Variants in STRN4 observed in about 807,000 individuals in gnomAD.
STRN4 encodes striatin-4.
Under a neutral mutation model 77.9 loss-of-function variants are expected in STRN4, and 27 were observed. The observed-to-expected ratio is 0.35, with a 90% CI of 0.26 to 0.48. STRN4 has a LOEUF of 0.48. STRN4 is among the 20% of genes least tolerant of loss of function. The pLI is 0.99. For synonymous variants in STRN4, 466 were observed against 443.1 expected, an observed-to-expected ratio of 1.05 and a Z score of -0.65; for missense variants, 798 against 1,049.7, an observed-to-expected ratio of 0.76 and a Z score of 3.31.
At chr19:46,728,363 C>A (rs1381948633) in intron 7 of STRN4, 1 of 596,530 alleles carries the variant, frequency 1.7e-6, no homozygotes, top group Non-Finnish European at 3.0e-6. Flanking sequence ...GCTGGACGCC[C>A]GCCCTGGAGG....
At position 46,736,636 on chromosome 19, in the gene STRN4, G is replaced by A. The variant is rs144084872; in HGVS notation, c.539+187C>T. Among the ~76,000 whole-genome samples the A allele has an allele frequency of 1.4e-3, 218 of 151,276 alleles. 2 individuals are homozygous for A. Among genetic ancestry groups the A allele is most frequent in the African/African-American group, 4.9e-3 (201 of 41,196 alleles). On this transcript the variant is annotated intron_variant, in intron 4 of 17. Coordinates refer to ENST00000263280, the MANE Select transcript of STRN4 (RefSeq NM_013403.3). ...TGTCCCCACGTCTGCCTCCTGCAGCGGGTTTCCCTCCCTCTCCCCAGGCCA... is the reference window on the plus strand; with the variant it reads ...TGTCCCCACGTCTGCCTCCTGCAGCAGGTTTCCCTCCCTCTCCCCAGGCCA...
chr19:46,737,751 G>C (rs1440375681), intron 3 of STRN4, among the ~76,000 whole-genome samples: 2 of 152,144 alleles, frequency 1.3e-5, no homozygotes, highest in Non-Finnish European at 2.9e-5. Context: ...CCTGATCTGT[G>C]ATACAAAGCC....
At position 46,733,607 on chromosome 19, in the gene STRN4, C is replaced by T. The variant is rs566347988; in HGVS notation, c.540-371G>A. On this transcript the variant is annotated intron_variant, in intron 4 of 17. Coordinates refer to ENST00000263280, the MANE Select transcript of STRN4 (RefSeq NM_013403.3). The surrounding 1 kb of genome is among the most constrained non-coding windows in gnomAD (Gnocchi z 4.3). ...GCCACGGTAAACAGCAGAACGAAAA[C>T]GCTAAGTTCTATGATCCACATGATG... is the stretch of plus-strand genomic sequence containing the variant. Among the ~76,000 whole-genome samples, 5 of 152,164 alleles carry T rather than the reference C, an allele frequency of 3.3e-5. No homozygotes were observed. In the South Asian group the frequency reaches 8.3e-4, roughly 25 times the overall value.
chr19:46,721,895 C>CG lies in STRN4; in HGVS notation c.2092+90dup. The CG allele has an allele frequency of 2.0e-6, 3 of 1,483,110 alleles. No individual in the cohort carries two copies. In the South Asian group the frequency reaches 3.5e-5, roughly 17 times the overall value. 91.9% of individuals were successfully genotyped at this position (1,483,110 alleles called of 1,614,324 possible). On this transcript the variant is annotated intron_variant, in intron 16 of 17. Transcript: ENST00000263280. ...ACCAGCCTCCCCCAGCCCTGGCCCC[C>CG]GGGGCCCCCTGAGCACTTGCCTGGA...
chr19:46,742,475 T>C (rs2054491628), intron 1 of STRN4, among the ~76,000 whole-genome samples: 1 of 152,178 alleles, frequency 6.6e-6, no homozygotes, highest in African/African-American at 2.4e-5. Flanking sequence ...TAGCACTAAG[T>C]GTTCAAGTAA....
rs575596037 is a variant in STRN4 at position 46,733,664 on chromosome 19, T to C, written c.540-428A>G. On this transcript the variant is annotated intron_variant, in intron 4 of 17. Coordinates refer to ENST00000263280, the MANE Select transcript of STRN4 (RefSeq NM_013403.3). This position sits in a 1 kb window ranked among gnomAD's most constrained non-coding sequence, Gnocchi z 4.3. ...TTTGTAGAAAAAAACAAAAAGGCGT[T>C]AATGTGCATAAAGCTTACACCACAC... is the stretch of plus-strand genomic sequence containing the variant. 6.6e-6 allele frequency among the ~76,000 whole-genome samples: 1 copy of C among 152,314 alleles called. No homozygotes were observed. Among genetic ancestry groups the C allele is most frequent in the Non-Finnish European group, 1.5e-5 (1 of 68,032 alleles).
At position 46,723,943 on chromosome 19, in the gene STRN4, C is replaced by T. The variant is rs1315794507; in HGVS notation, c.1595-659G>A. Among the ~76,000 whole-genome samples, 2 of 152,112 alleles carry T rather than the reference C, an allele frequency of 1.3e-5. No individual in the cohort carries two copies. Among genetic ancestry groups the T allele is most frequent in the African/African-American group, 4.8e-5 (2 of 41,412 alleles). ...GCCCAGACAAGGTGGAGCACAGGGCCAGGTGCATGATCAAGGAGGCAGAGC... is the reference window on the plus strand; with the variant it reads ...GCCCAGACAAGGTGGAGCACAGGGCTAGGTGCATGATCAAGGAGGCAGAGC... On this transcript the variant is annotated intron_variant, in intron 12 of 17. Transcript: ENST00000263280. This position sits in a 1 kb window ranked among gnomAD's most constrained non-coding sequence, Gnocchi z 5.5.
intron 1 of STRN4, 90 bp downstream of exon 1, chr19:46,746,059 T>G (rs2054590626): frequency 7.3e-4 from 678 of 926,906 alleles, no homozygotes; most frequent in East Asian, 2.4e-3. Flanking sequence ...CCGGCGGCCA[T>G]TGCTCCAAGA....
chr19:46,721,716 G>C lies in STRN4; in HGVS notation c.2092+270C>G, dbSNP rs555185245. 3.2e-5 allele frequency: 14 copies of C among 436,384 alleles called. No homozygotes were observed. In the South Asian group the frequency reaches 3.3e-4, roughly 10 times the overall value. The allele number at this position is 436,384 out of a possible 1,614,324, so 27.0% of individuals were successfully genotyped here. A position where few individuals can be genotyped will look rare whatever the true frequency, so the allele number is the denominator to read the frequency against. On this transcript the variant is annotated intron_variant, in intron 16 of 17. Coordinates refer to ENST00000263280, the MANE Select transcript of STRN4 (RefSeq NM_013403.3). The stretch of plus-strand genomic sequence containing the variant: ...TCAATGGCCAAGTTACAAAGCGTCT[G>C]GGCATCAGGGCCCACATCTGTAAAC...
At chr19:46,721,911 C>T (rs2053986740) in intron 16 of STRN4, 75 bp downstream of exon 16, 1 of 1,569,462 alleles carries the variant, frequency 6.4e-7, no homozygotes, top group South Asian at 1.1e-5. Context: ...CCCCTGAGCA[C>T]TTGCCTGGAG....
chr19:46,731,330 A>AGCCAGCCTCGCGCAAGCAGGGGC (rs1312601087), intron 5 of STRN4: 1 of 169,778 alleles, frequency 5.9e-6, no homozygotes, highest in East Asian at 1.6e-4. Context: ...GCCGAAAGCC[A>AGCCAGCCTCGCGCAAGCAGGGGC]GCCAGCCTCG....
At position 46,722,294 on chromosome 19, in the gene STRN4, G is replaced by T; in HGVS notation, c.1953C>A (p.Leu651=). 6.2e-7 allele frequency: 1 copy of T among 1,614,198 alleles called. No homozygotes were observed. The highest frequency in any genetic ancestry group is 8.5e-7 in the Non-Finnish European group (1 of 1,180,032). Residue 651 remains leucine (L), a synonymous_variant, in exon 15 of 18, where the codon CTC becomes CTA. Coordinates refer to ENST00000263280, the MANE Select transcript of STRN4 (RefSeq NM_013403.3). ...NQVVSHPNQP[L]TITAHDDRGI... Reference sequence around the variant, plus strand: ...CCCTGTCGTCGTGGGCGGTGATGGTGAGAGGCTGGTTTGGATGACTCACCA... The same window carrying T: ...CCCTGTCGTCGTGGGCGGTGATGGTTAGAGGCTGGTTTGGATGACTCACCA...
chr19:46,730,814 G>A lies in STRN4; in HGVS notation c.797C>T (p.Pro266Leu), dbSNP rs1252061351. The A allele has an allele frequency of 6.2e-7, 1 of 1,612,820 alleles. No homozygotes were observed. Among genetic ancestry groups the A allele is most frequent in the Non-Finnish European group, 8.5e-7 (1 of 1,180,018 alleles). Reference protein sequence around the residue: ...RLGGSVLGQIPFLQNCEDEDS... With the variant: ...RLGGSVLGQILFLQNCEDEDS... ...TTCGTCCTCGCAGTTCTGCAGGAAG[G>A]GGATCTGCCCCAGCACTGAGCCGCC... The change falls in exon 6 of 18, where the codon CCC (proline) becomes CTC (leucine). Residue 266 changes from proline (P) to leucine (L), a missense_variant. Pro to Leu is a moderately conservative substitution (Grantham distance 98). Coordinates refer to ENST00000263280, the MANE Select transcript of STRN4 (RefSeq NM_013403.3).
At chr19:46,730,371 T>G (rs2054220028) in intron 6 of STRN4, among the ~76,000 whole-genome samples, 1 of 151,538 alleles carries the variant, frequency 6.6e-6, no homozygotes, top group Admixed American at 6.6e-5. Context: ...CCAGGGTGAG[T>G]CAGAGAAGGC....
chr19:46,739,513 A>G (rs2054435814), intron 1 of STRN4: 1 of 156,092 alleles, frequency 6.4e-6, no homozygotes, highest in Non-Finnish European at 1.4e-5. Context: ...AGCACTTCAC[A>G]CCGTCTGCTG....
chr19:46,720,382 G>A (rs1424121477), intron 17 of STRN4, 44 bp from the exon 18 acceptor site: 2 of 460,628 alleles, frequency 4.3e-6, no homozygotes, highest in African/African-American at 2.0e-5. Context: ...GCCGCCTCTA[G>A]GGCGCCTCTA....
intron 16 of STRN4, 125 bp from the exon 17 acceptor site, chr19:46,720,896 C>G: frequency 3.4e-6 from 4 of 1,169,774 alleles, no homozygotes; most frequent in South Asian, 2.0e-5. Flanking sequence ...TCCTCTCTCA[C>G]CCTCTGCTCA....
intron 12 of STRN4, 74 bp downstream of exon 12, chr19:46,724,733 C>T (rs753537822): frequency 1.6e-5 from 26 of 1,603,960 alleles, no homozygotes; most frequent in African/African-American, 6.7e-5. Context: ...GAGGTGGACG[C>T]GACGTGTGTG....
intron 5 of STRN4, 93 bp from the exon 6 acceptor site, chr19:46,730,966 C>T: frequency 1.3e-6 from 2 of 1,553,800 alleles, no homozygotes; most frequent in South Asian, 1.2e-5. Context: ...TGGCCAGAGC[C>T]CAGACCCAGC....
Sources: allele counts gnomAD v4.1 joint callset (sites outside exome capture counted in the v4.1 genomes callset), GRCh38; gene constraint gnomAD v4.1.1; non-coding constraint Gnocchi (gnomAD v3.1); transcripts MANE v1.5; gene names NCBI Gene and HGNC (gene_info 2026-07-23, HGNC 2026-07-21).